The following MAP4K4 variants were observed in gnomAD, a reference collection of about 807,000 sequenced individuals.
The protein encoded by MAP4K4 is mitogen-activated protein kinase kinase kinase kinase 4.
MAP4K4 carries 38 observed loss-of-function variants against 189.6 expected under a neutral mutation model. The ratio of observed to expected loss-of-function variants is 0.20; its 90% CI spans 0.15 to 0.26. The LOEUF is 0.26. Ranked by LOEUF, MAP4K4 falls within the 10% of genes least tolerant of loss-of-function variation. MAP4K4 has a pLI of 1.00. For missense variants in MAP4K4, 1,054 were observed against 1,726.9 expected, an observed-to-expected ratio of 0.61 and a Z score of 6.91; for synonymous variants, 610 against 624.3, an observed-to-expected ratio of 0.98 and a Z score of 0.34.
rs1175998150 is a variant in MAP4K4, at chr2:101,878,004, C to T, written c.3385+858C>T. Among the ~76,000 whole-genome samples, 4 of 152,188 alleles carry T rather than the reference C, an allele frequency of 2.6e-5. No individual in the cohort carries two copies. In the East Asian group the frequency reaches 7.7e-4, roughly 29 times the overall value. ...GACCTCATGATCCACCCACCTTGGCCTCCCAGAGTGCTGGGATTATAGGCA... is the reference window on the plus strand; with the variant it reads ...GACCTCATGATCCACCCACCTTGGCTTCCCAGAGTGCTGGGATTATAGGCA... On this transcript the variant is annotated intron_variant, in intron 27 of 32. Coordinates refer to ENST00000324219, the Ensembl canonical transcript of MAP4K4.
chr2:101,820,128 T>C (rs1267581816), intron 3 of MAP4K4, among the ~76,000 whole-genome samples: 2 of 152,220 alleles, frequency 1.3e-5, no homozygotes, highest in Non-Finnish European at 2.9e-5. Flanking sequence ...TTGGTTTGTG[T>C]CACTAAAAGA....
At chr2:101,844,613 T>C (rs956886503) in intron 12 of MAP4K4, among the ~76,000 whole-genome samples, 7 of 152,248 alleles carry the variant, frequency 4.6e-5, no homozygotes, top group African/African-American at 1.7e-4. Flanking sequence ...CAGACCAGTT[T>C]TGTGAAGTCT....
At chr2:101,757,709 A>G (rs1034409704) in intron 2 of MAP4K4, among the ~76,000 whole-genome samples, 13 of 152,196 alleles carry the variant, frequency 8.5e-5, no homozygotes, top group African/African-American at 2.9e-4. Flanking sequence ...GAGATTAACA[A>G]CAAAAGCTAA....
intron 3 of MAP4K4, among the ~76,000 whole-genome samples, chr2:101,815,213 A>T (rs776175103): frequency 1.3e-5 from 2 of 152,134 alleles, no homozygotes; most frequent in African/African-American, 2.4e-5. Flanking sequence ...AATTATGATT[A>T]TATTCTTCTA....
intron 2 of MAP4K4, among the ~76,000 whole-genome samples, chr2:101,754,341 GTTTTTTTTTTTTT>G (rs59198391): frequency 2.1e-4 from 18 of 85,832 alleles, no homozygotes; most frequent in African/African-American, 6.9e-4. Context: ...CTTTTTTGCT[GTTTTTTTTTTTTT>G]TTTTTTTTTT....
chr2:101,855,857 A>G (rs2097436129), intron 12 of MAP4K4, 120 bp from the exon 13 acceptor site: 1 of 855,836 alleles, frequency 1.2e-6, no homozygotes, highest in Non-Finnish European at 1.8e-6. Context: ...GCCAGTAGAT[A>G]TGGGGCCCAT....
intron 2 of MAP4K4, among the ~76,000 whole-genome samples, chr2:101,731,537 T>C (rs2058498746): frequency 6.6e-6 from 1 of 152,108 alleles, no homozygotes; most frequent in African/African-American, 2.4e-5. Context: ...GGTGGGCAGA[T>C]TGCCAGAGCT....
At chr2:101,699,693 A>T (rs1231429183) in intron 2 of MAP4K4, among the ~76,000 whole-genome samples, 2 of 143,192 alleles carry the variant, frequency 1.4e-5, no homozygotes, top group Non-Finnish European at 2.9e-5. Context: ...AGTAGAGTTT[A>T]TCTATCACTT....
At chr2:101,845,190 A>AT (rs2097060119) in intron 12 of MAP4K4, among the ~76,000 whole-genome samples, 1 of 149,628 alleles carries the variant, frequency 6.7e-6, no homozygotes, top group South Asian at 2.1e-4. Flanking sequence ...AATAAAAATA[A>AT]AAAAAAAAAC....
At chr2:101,793,001 C>T (rs865968150) in intron 3 of MAP4K4, among the ~76,000 whole-genome samples, 4 of 152,148 alleles carry the variant, frequency 2.6e-5, no homozygotes, top group Non-Finnish European at 5.9e-5. Flanking sequence ...TTTCTGTGAA[C>T]ATAGCTATAA....
intron 3 of MAP4K4, among the ~76,000 whole-genome samples, chr2:101,799,584 T>G (rs972054371): frequency 2.1e-5 from 3 of 143,784 alleles, no homozygotes; most frequent in South Asian, 2.2e-4. Flanking sequence ...TGTGTGTGGG[T>G]TTTTTTTTTT....
chr2:101,841,014 G>A (rs2096901775), intron 10 of MAP4K4, among the ~76,000 whole-genome samples: 1 of 152,144 alleles, frequency 6.6e-6, no homozygotes, highest in Non-Finnish European at 1.5e-5. Context: ...GCGCTGTTCA[G>A]GAAAAAAATT....
At chr2:101,704,376 C>T (rs979077676) in intron 2 of MAP4K4, among the ~76,000 whole-genome samples, 7 of 151,930 alleles carry the variant, frequency 4.6e-5, no homozygotes, top group African/African-American at 1.7e-4. Context: ...ATCAAAAGCT[C>T]TACAGAAAAG....
In MAP4K4 at chr2:101,756,729, ATTTTTT is replaced by A. The variant is rs34314872; in HGVS notation, c.124-33978_124-33973del. On this transcript the variant is annotated intron_variant, in intron 2 of 32. Transcript: ENST00000324219. ...ATCACCATGCCCAGCTAATTTTTGTATTTTTTTTTTTTTTTTTTGTAGAAACAGGGT... is the reference window on the plus strand; with the variant it reads ...ATCACCATGCCCAGCTAATTTTTGTATTTTTTTTTTTTGTAGAAACAGGGT... Among the ~76,000 whole-genome samples, 17 of 125,022 alleles carry A rather than the reference ATTTTTT, an allele frequency of 1.4e-4. No individual in the cohort carries two copies. In the South Asian group the frequency reaches 4.4e-3, roughly 32 times the overall value. The allele number at this position is 125,022 out of a possible 152,430, so 82.0% of individuals were successfully genotyped here. A position where few individuals can be genotyped will look rare whatever the true frequency, so the allele number is the denominator to read the frequency against.
chr2:101,702,288 G>A (rs1165665407), intron 2 of MAP4K4, among the ~76,000 whole-genome samples: 3 of 152,102 alleles, frequency 2.0e-5, no homozygotes, highest in Admixed American at 6.6e-5. Context: ...ATTGTCAACC[G>A]GACGCGGTGG....
intron 2 of MAP4K4, among the ~76,000 whole-genome samples, chr2:101,716,196 C>T (rs1189579700): frequency 1.3e-5 from 2 of 152,208 alleles, no homozygotes; most frequent in Non-Finnish European, 2.9e-5. Flanking sequence ...GTAATCCCAA[C>T]ACTTTGGGAG....
chr2:101,711,757 G>A (rs985069496), intron 2 of MAP4K4, among the ~76,000 whole-genome samples: 1 of 152,018 alleles, frequency 6.6e-6, no homozygotes, highest in Non-Finnish European at 1.5e-5. Flanking sequence ...ATAAGCAAGG[G>A]CTTTGTCAGT....
chr2:101,747,631 T>C (rs2066319376), intron 2 of MAP4K4, among the ~76,000 whole-genome samples: 1 of 152,190 alleles, frequency 6.6e-6, no homozygotes, highest in South Asian at 2.1e-4. Flanking sequence ...GGACAGAAGA[T>C]TGGATGTCAT....
intron 9 of MAP4K4, 111 bp from the exon 10 acceptor site, chr2:101,839,708 G>A: frequency 1.3e-6 from 1 of 774,478 alleles, no homozygotes; most frequent in Non-Finnish European, 2.0e-6. Flanking sequence ...TTTGCAGAAT[G>A]TTCACAGTGA....
Sources: gnomAD v4.1 joint callset for allele counts (sites outside exome capture counted in the v4.1 genomes callset) on GRCh38, gnomAD v4.1.1 for gene constraint, MANE v1.5 for transcripts, NCBI Gene and HGNC (gene_info 2026-07-23, HGNC 2026-07-21) for gene names.